FREM1: variants seen among roughly 807,000 people sequenced by gnomAD.
The protein encoded by FREM1 is FRAS1-related extracellular matrix protein 1.
FREM1 carries 220 observed loss-of-function variants against 210.1 expected under a neutral mutation model. The ratio of observed to expected loss-of-function variants is 1.05; its 90% CI spans 0.94 to 1.17. FREM1 has a LOEUF of 1.17. FREM1 is among the 50% of genes most tolerant of loss of function. The probability of loss-of-function intolerance (pLI) is 0.00; values close to 1 mark genes in which losing one functional copy is unlikely to be tolerated. For synonymous variants in FREM1, 1,189 were observed against 980.2 expected, an observed-to-expected ratio of 1.21 and a Z score of -3.98; for missense variants, 3,454 against 2,675.5, an observed-to-expected ratio of 1.29 and a Z score of -6.42.
intron 1 of FREM1, among the ~76,000 whole-genome samples, chr9:14,881,787 C>T (rs1017896547): frequency 2.0e-5 from 3 of 152,206 alleles, no homozygotes; most frequent in African/African-American, 7.2e-5. Flanking sequence ...TAGCTATCTG[C>T]GGCTATGTGA....
intron 3 of FREM1, among the ~76,000 whole-genome samples, chr9:14,860,807 A>ATGCG (rs1564101929): frequency 3.3e-5 from 4 of 120,010 alleles, no homozygotes; most frequent in East Asian, 5.6e-4. Context: ...ACACATATAT[A>ATGCG]CATATATACA....
At position 14,788,606 on chromosome 9, in the gene FREM1, G is replaced by A. The variant is rs145002897; in HGVS notation, c.4177+313C>T. Among the ~76,000 whole-genome samples, 364 of 152,142 alleles carry A rather than the reference G, an allele frequency of 2.4e-3. 1 individual carries two copies. Among genetic ancestry groups the A allele is most frequent in the Middle Eastern group, 0.01 (3 of 294 alleles). The stretch of plus-strand genomic sequence containing the variant: ...TAAAACTAGAGTTACACATCAACTT[G>A]GTAAAATTTTACTTAAAGCAAAAAA... On this transcript the variant is annotated intron_variant, in intron 23 of 36. Coordinates refer to ENST00000380880, the MANE Select transcript of FREM1 (RefSeq NM_001379081.2).
chr9:14,794,804 A>G (rs199814906), intron 21 of FREM1, among the ~76,000 whole-genome samples: 2 of 151,824 alleles, frequency 1.3e-5, no homozygotes, highest in Non-Finnish European at 2.9e-5. Context: ...TCGAGACCAT[A>G]CTGGCCAACA....
At chr9:14,799,767 C>G (rs1347819166) in intron 20 of FREM1, among the ~76,000 whole-genome samples, 1 of 151,908 alleles carries the variant, frequency 6.6e-6, no homozygotes, top group African/African-American at 2.4e-5. Context: ...TTGATAAAAG[C>G]TGAGAAATAT....
At chr9:14,862,314 A>G (rs1349500332) in intron 3 of FREM1, among the ~76,000 whole-genome samples, 2 of 152,240 alleles carry the variant, frequency 1.3e-5, no homozygotes, top group East Asian at 3.8e-4. Flanking sequence ...TGTCTTGTAC[A>G]AAAGTCTTTT....
intron 1 of FREM1, among the ~76,000 whole-genome samples, chr9:14,902,923 C>T (rs764190436): frequency 3.3e-5 from 5 of 152,172 alleles, no homozygotes; most frequent in Non-Finnish European, 7.3e-5. Context: ...GAAGTCTTAA[C>T]AGAATTACAT....
chr9:14,860,523 T>C (rs979021306), intron 3 of FREM1, among the ~76,000 whole-genome samples: 3 of 97,164 alleles, frequency 3.1e-5, no homozygotes, highest in Non-Finnish European at 6.1e-5. Context: ...TGTGGGTACG[T>C]AGTAGGTATG....
intron 3 of FREM1, among the ~76,000 whole-genome samples, chr9:14,863,041 T>C (rs1248868411): frequency 6.6e-6 from 1 of 151,992 alleles, no homozygotes; most frequent in Admixed American, 6.6e-5. Context: ...ACTCCATAGT[T>C]GATTTTTAAA....
At position 14,857,554 on chromosome 9, in the gene FREM1, TTG is replaced by T; in HGVS notation, c.825_826del (p.Tyr275Ter). 3 of 1,612,420 alleles carry T rather than the reference TTG, an allele frequency of 1.9e-6. No individual in the cohort carries two copies. The highest frequency in any genetic ancestry group is 2.5e-6 in the Non-Finnish European group (3 of 1,179,168). On this transcript the variant is annotated stop_gained and frameshift_variant and splice_region_variant, in exon 5 of 37. Coordinates refer to ENST00000380880, the MANE Select transcript of FREM1 (RefSeq NM_001379081.2). LOFTEE classifies it high-confidence loss of function. The stretch of plus-strand genomic sequence containing the variant: ...CCCACACATAACCCCAAACTCTACC[TTG>T]TACACAATTTTGCTCCTGGTATCTG...
rs753780015 is a variant in FREM1, at chr9:14,836,373, G to A, written c.1881+5074C>T. ...AGCGTAAAAGTTTTACTATCACTAAGTCTGCTAGGATTTTTTATTGGATTT... is the reference window on the plus strand; with the variant it reads ...AGCGTAAAAGTTTTACTATCACTAAATCTGCTAGGATTTTTTATTGGATTT... On this transcript the variant is annotated intron_variant, in intron 10 of 36. Coordinates refer to ENST00000380880, the MANE Select transcript of FREM1 (RefSeq NM_001379081.2). The surrounding 1 kb of genome is among the most constrained non-coding windows in gnomAD (Gnocchi z 4.9). Among the ~76,000 whole-genome samples the A allele has an allele frequency of 5.3e-5, 8 of 152,184 alleles. No individual in the cohort carries two copies. Among genetic ancestry groups the A allele is most frequent in the Non-Finnish European group, 1.2e-4 (8 of 68,024 alleles).
intron 3 of FREM1, among the ~76,000 whole-genome samples, chr9:14,861,858 A>T (rs889776427): frequency 8.5e-5 from 13 of 152,140 alleles, no homozygotes; most frequent in African/African-American, 2.9e-4. Context: ...TAGTTATTTT[A>T]AAATGTGCCA....
intron 10 of FREM1, among the ~76,000 whole-genome samples, chr9:14,833,801 C>T (rs1258218287): frequency 2.0e-5 from 3 of 152,144 alleles, no homozygotes. Context: ...CTCTTTTCTT[C>T]TCAGTCAACT....
chr9:14,794,976 T>A (rs1397359501), intron 21 of FREM1, among the ~76,000 whole-genome samples: 2 of 131,378 alleles, frequency 1.5e-5, no homozygotes, highest in African/African-American at 6.0e-5. Context: ...CCAGCCTGGG[T>A]GACAGAGCGA....
In FREM1 at chr9:14,851,375, G is replaced by C; in HGVS notation, c.1061C>G (p.Pro354Arg). ...YVTHLLDHTRPISSFTWKDLS... is the reference protein window; with the variant it reads ...YVTHLLDHTRRISSFTWKDLS... ...ATCTTTCCAGGTGAATGAGGAGATT[G>C]GTCTGGTGTGATCCAACAGGTGAGT... Residue 354 changes from proline (P) to arginine (R), a missense_variant, in exon 6 of 37, where the codon CCA becomes CGA. Physicochemically the swap from Pro to Arg is moderately radical, Grantham distance 103. Coordinates refer to ENST00000380880, the MANE Select transcript of FREM1 (RefSeq NM_001379081.2). 6.2e-7 allele frequency: 1 copy of C among 1,613,878 alleles called. No individual in the cohort carries two copies. Among genetic ancestry groups the C allele is most frequent in the Non-Finnish European group, 8.5e-7 (1 of 1,179,798 alleles).
At chr9:14,766,393 G>C (rs1238548919) in intron 27 of FREM1, among the ~76,000 whole-genome samples, 3 of 152,122 alleles carry the variant, frequency 2.0e-5, no homozygotes, top group African/African-American at 7.2e-5. Context: ...GGTAGAGAGA[G>C]GTGATTCTAT....
chr9:14,829,286 T>C (rs534155352), intron 10 of FREM1, among the ~76,000 whole-genome samples: 4 of 152,328 alleles, frequency 2.6e-5, no homozygotes, highest in Non-Finnish European at 4.4e-5. Context: ...TAATCCATCA[T>C]TGGTTGTGGA....
chr9:14,737,473 G>C lies in FREM1; in HGVS notation c.6463C>G (p.Gln2155Glu), dbSNP rs201342481. The change falls in exon 37 of 37, where the codon CAA becomes GAA. Residue 2155 changes from glutamine (Q) to glutamate (E), a missense_variant. Physicochemically the swap from Gln to Glu is conservative, Grantham distance 29 (BLOSUM62 2). Transcript: ENST00000380880. ...SKLGKSCVLVQRQGKWQTKDC... is the reference protein window; with the variant it reads ...SKLGKSCVLVERQGKWQTKDC... Reference sequence around the variant, plus strand: ...TTTGTTTGCCATTTCCCTTGTCTTTGAACCAAAACACAGCTCTTTCCAAGC... The same window carrying C: ...TTTGTTTGCCATTTCCCTTGTCTTTCAACCAAAACACAGCTCTTTCCAAGC... 1 of 1,613,608 alleles carries C rather than the reference G, an allele frequency of 6.2e-7. No individual in the cohort carries two copies. The highest frequency in any genetic ancestry group is 1.3e-5 in the African/African-American group (1 of 74,860).
chr9:14,875,467 C>G (rs958412641), intron 1 of FREM1, among the ~76,000 whole-genome samples: 1 of 152,192 alleles, frequency 6.6e-6, no homozygotes, highest in Non-Finnish European at 1.5e-5. Context: ...TTGATCGCAT[C>G]GGCTCCTGAG....
chr9:14,833,670 G>A (rs1248980419), intron 10 of FREM1, among the ~76,000 whole-genome samples: 1 of 152,188 alleles, frequency 6.6e-6, no homozygotes, highest in Non-Finnish European at 1.5e-5. Flanking sequence ...AGTAACAAGG[G>A]ATTTAAAAGG....
Sources: gnomAD v4.1 joint callset for allele counts (sites outside exome capture counted in the v4.1 genomes callset) on GRCh38, gnomAD v4.1.1 for gene constraint, Gnocchi (gnomAD v3.1) non-coding constraint, MANE v1.5 for transcripts, NCBI Gene and HGNC (gene_info 2026-07-23, HGNC 2026-07-21) for gene names.